The following PAK1 variants were observed in gnomAD, a reference collection of about 807,000 sequenced individuals.
PAK1 encodes the protein p21 (RAC1) activated kinase 1, also known as serine/threonine-protein kinase PAK 1.
Under a neutral mutation model 67.4 loss-of-function variants are expected in PAK1, and 29 were observed. The observed-to-expected ratio is 0.43, with a 90% confidence interval of 0.32 to 0.59. The LOEUF is 0.59. Ranked by LOEUF, PAK1 falls within the 20% of genes least tolerant of loss-of-function variation. The pLI, the probability that PAK1 is intolerant of heterozygous loss-of-function variation, is 0.07. For missense variants in PAK1, 337 were observed against 670.7 expected, an observed-to-expected ratio of 0.50 and a Z score of 5.50; for synonymous variants, 223 against 237.4, an observed-to-expected ratio of 0.94 and a Z score of 0.56.
chr11:77,378,794 C>A (rs1565637567), intron 4 of PAK1, among the ~76,000 whole-genome samples: 3 of 152,106 alleles, frequency 2.0e-5, no homozygotes, highest in Admixed American at 6.5e-5. Flanking sequence ...TGCCACGTTG[C>A]CCAGACTGGT....
the PAK1 span, among the ~76,000 whole-genome samples, chr11:77,524,021 G>T: frequency 6.6e-6 from 1 of 152,188 alleles, no homozygotes; most frequent in Non-Finnish European, 1.5e-5. Flanking sequence ...GACACAGAGA[G>T]ATGTGCAATG....
intron 5 of PAK1, among the ~76,000 whole-genome samples, chr11:77,364,092 A>C (rs961168223): frequency 2.8e-4 from 43 of 152,362 alleles, no homozygotes; most frequent in African/African-American, 1.0e-3. Flanking sequence ...TATTAGCCTG[A>C]AGCTACAGTC....
chr11:77,461,775 C>A (rs1039785622), intron 1 of PAK1, among the ~76,000 whole-genome samples: 1 of 152,118 alleles, frequency 6.6e-6, no homozygotes, highest in African/African-American at 2.4e-5. Flanking sequence ...TTTAATGGAA[C>A]AAAGTCACAT....
chr11:77,475,363 T>C (rs182095911), upstream of PAK1: 288 of 152,354 alleles, frequency 1.9e-3, 1 homozygote, highest in African/African-American at 6.7e-3. Context: ...AAACTCAATC[T>C]ATTTTTCTCA....
chr11:77,520,508 G>T, the PAK1 span, among the ~76,000 whole-genome samples: 2 of 152,144 alleles, frequency 1.3e-5, no homozygotes, highest in African/African-American at 4.8e-5. Flanking sequence ...GAGACCAAAA[G>T]CCTGACTGGT....
At chr11:77,379,589 C>T in intron 3 of PAK1, 1 of 596,912 alleles carries the variant, frequency 1.7e-6, no homozygotes, top group Non-Finnish European at 2.9e-6. Flanking sequence ...GATGTCTGCT[C>T]CTTCACCAGG....
At chr11:77,337,892 T>G (rs550418328) in intron 11 of PAK1, among the ~76,000 whole-genome samples, 2 of 152,194 alleles carry the variant, frequency 1.3e-5, no homozygotes, top group Admixed American at 1.3e-4. Context: ...TGTACTATTT[T>G]GGATATGCTG....
intron 10 of PAK1, among the ~76,000 whole-genome samples, chr11:77,342,774 AG>A (rs1240635300): frequency 6.6e-6 from 1 of 152,186 alleles, no homozygotes; most frequent in Non-Finnish European, 1.5e-5. Context: ...TACCAGTAAC[AG>A]GAAGAGGTAG....
intron 1 of PAK1, among the ~76,000 whole-genome samples, chr11:77,439,128 CT>C (rs1306448110): frequency 6.6e-6 from 1 of 152,156 alleles, no homozygotes; most frequent in Admixed American, 6.5e-5. Context: ...AGGACTTTGG[CT>C]TTTAAGCCAA....
At chr11:77,356,131 T>A (rs1407811150) in intron 6 of PAK1, 1 of 246,950 alleles carries the variant, frequency 4.0e-6, no homozygotes, top group African/African-American at 2.2e-5. Context: ...TTCTATTAGA[T>A]AAGAATCCCC....
At chr11:77,419,010 T>C (rs1050836341) in intron 1 of PAK1, among the ~76,000 whole-genome samples, 5 of 152,238 alleles carry the variant, frequency 3.3e-5, no homozygotes, top group Non-Finnish European at 7.3e-5. Context: ...CTATTTTAGA[T>C]TTCAGTTCTG....
chr11:77,444,422 G>A (rs1419958292), intron 1 of PAK1, among the ~76,000 whole-genome samples: 2 of 152,006 alleles, frequency 1.3e-5, no homozygotes, highest in African/African-American at 2.4e-5. Flanking sequence ...GTGTGGTCAT[G>A]CTCAAAAACT....
At chr11:77,367,180 G>A (rs1471267394) in intron 5 of PAK1, among the ~76,000 whole-genome samples, 1 of 152,164 alleles carries the variant, frequency 6.6e-6, no homozygotes, top group African/African-American at 2.4e-5. Context: ...TCCTAGGGCT[G>A]AGCATGGGAG....
At chr11:77,389,961 A>G (rs193143392) in intron 2 of PAK1, among the ~76,000 whole-genome samples, 2 of 152,356 alleles carry the variant, frequency 1.3e-5, no homozygotes, top group Non-Finnish European at 2.9e-5. Context: ...ACATGTAGAC[A>G]CTTGGGCTGA....
chr11:77,505,615 C>G, the PAK1 span, among the ~76,000 whole-genome samples: 2 of 152,220 alleles, frequency 1.3e-5, no homozygotes, highest in South Asian at 2.1e-4. Context: ...CTTTTTGCCT[C>G]TATGAATTTG....
chr11:77,481,711 A>G, the PAK1 span, among the ~76,000 whole-genome samples: 5 of 150,080 alleles, frequency 3.3e-5, no homozygotes, highest in South Asian at 8.4e-4. Flanking sequence ...TTTTCTGAGT[A>G]GCACAATTGC....
intron 1 of PAK1, among the ~76,000 whole-genome samples, chr11:77,421,417 T>A (rs977064354): frequency 1.3e-5 from 2 of 152,224 alleles, no homozygotes; most frequent in African/African-American, 2.4e-5. Context: ...AAAATCCCCC[T>A]CTACTCTATA....
intron 1 of PAK1, among the ~76,000 whole-genome samples, chr11:77,471,528 A>C (rs1017295022): frequency 6.6e-6 from 1 of 152,136 alleles, no homozygotes; most frequent in Admixed American, 6.5e-5. Flanking sequence ...AGGCCCAACA[A>C]GGTCATCTCC....
At chr11:77,482,052 G>A in the PAK1 span, among the ~76,000 whole-genome samples, 2,179 of 151,866 alleles carry the variant, frequency 0.014, 48 homozygotes, top group African/African-American at 0.05. Context: ...GTAGTGGCAC[G>A]ATCTTGGCTC....
Sources: allele counts gnomAD v4.1 joint callset (sites outside exome capture counted in the v4.1 genomes callset), GRCh38; gene constraint gnomAD v4.1.1; transcripts MANE v1.5; gene names NCBI Gene and HGNC (gene_info 2026-07-23, HGNC 2026-07-21).